NRG1: variants seen among roughly 807,000 people sequenced by gnomAD.
NRG1 encodes the protein neuregulin 1.
NRG1 carries 18 observed loss-of-function variants against 63.8 expected under a neutral mutation model. The ratio of observed to expected loss-of-function variants is 0.28; its 90% CI spans 0.19 to 0.42. NRG1 has a LOEUF of 0.42. NRG1 is among the 10% of genes least tolerant of loss of function. The pLI is 1.00. For missense variants in NRG1, 762 were observed against 814.7 expected, an observed-to-expected ratio of 0.94 and a Z score of 0.79; for synonymous variants, 302 against 301.3, an observed-to-expected ratio of 1.00 and a Z score of -0.02.
At chr8:32,531,806 G>T (rs1831480561) in intron 1 of NRG1, among the ~76,000 whole-genome samples, 1 of 152,160 alleles carries the variant, frequency 6.6e-6, no homozygotes, top group Non-Finnish European at 1.5e-5. Context: ...AAAGTTAAAT[G>T]ACAGAGGGAT....
chr8:32,730,764 A>G (rs775580391), intron 6 of NRG1, among the ~76,000 whole-genome samples: 16 of 152,190 alleles, frequency 1.1e-4, no homozygotes, highest in Non-Finnish European at 1.9e-4. Context: ...AGAAAATGCC[A>G]GAAGCTGAGA....
chr8:32,193,191 G>C (rs1842655898), intron 1 of NRG1, among the ~76,000 whole-genome samples: 1 of 152,136 alleles, frequency 6.6e-6, no homozygotes. Context: ...GGGCTGGGGA[G>C]GATCCTTTAT....
intron 5 of NRG1, among the ~76,000 whole-genome samples, chr8:32,662,789 G>C (rs1803191583): frequency 1.3e-5 from 2 of 152,168 alleles, no homozygotes; most frequent in African/African-American, 4.8e-5. Flanking sequence ...AAAGGATACG[G>C]TTATCACCAA....
intron 1 of NRG1, among the ~76,000 whole-genome samples, chr8:31,757,277 T>C (rs1182536559): frequency 6.6e-6 from 1 of 152,190 alleles, no homozygotes; most frequent in African/African-American, 2.4e-5. Context: ...TTGCCAGCTC[T>C]GTTTTAAGCC....
chr8:32,385,578 C>G (rs190725502), intron 1 of NRG1, among the ~76,000 whole-genome samples: 1 of 152,054 alleles, frequency 6.6e-6, no homozygotes, highest in Admixed American at 6.6e-5. Context: ...GGAGAAGGCA[C>G]GTCTTACATG....
intron 1 of NRG1, among the ~76,000 whole-genome samples, chr8:31,787,928 T>G (rs982441598): frequency 6.6e-6 from 1 of 152,210 alleles, no homozygotes; most frequent in Non-Finnish European, 1.5e-5. Context: ...GGCATTATTT[T>G]AATCACTTCA....
chr8:32,128,237 GC>G (rs1407484456), intron 1 of NRG1, among the ~76,000 whole-genome samples: 1 of 151,860 alleles, frequency 6.6e-6, no homozygotes, highest in East Asian at 1.9e-4. Flanking sequence ...GTCCCAGCAG[GC>G]CCTCTACTCC....
At chr8:32,682,368 T>C (rs185172575) in intron 5 of NRG1, among the ~76,000 whole-genome samples, 2 of 152,298 alleles carry the variant, frequency 1.3e-5, no homozygotes, top group Admixed American at 6.5e-5. Flanking sequence ...TGTCTTCCCA[T>C]GATCACAATA....
intron 5 of NRG1, among the ~76,000 whole-genome samples, chr8:32,661,592 T>G (rs935892727): frequency 2.4e-4 from 36 of 151,512 alleles, no homozygotes; most frequent in African/African-American, 7.7e-4. Context: ...CACGGGCTGG[T>G]CTAAAAAACA....
intron 1 of NRG1, among the ~76,000 whole-genome samples, chr8:31,966,037 C>T (rs896364462): frequency 1.3e-5 from 2 of 151,856 alleles, no homozygotes; most frequent in Non-Finnish European, 2.9e-5. Context: ...TGAGTGTATA[C>T]GGAGAGCCCA....
chr8:32,039,591 C>T (rs1403816854), intron 1 of NRG1, among the ~76,000 whole-genome samples: 10 of 152,094 alleles, frequency 6.6e-5, no homozygotes, highest in African/African-American at 1.9e-4. Flanking sequence ...TACTGATGAA[C>T]GTTGTCAACA....
intron 1 of NRG1, among the ~76,000 whole-genome samples, chr8:32,549,718 A>G (rs919254031): frequency 6.6e-6 from 1 of 152,208 alleles, no homozygotes; most frequent in African/African-American, 2.4e-5. Context: ...CAAAAGCTTT[A>G]CCTTAGATGT....
intron 1 of NRG1, among the ~76,000 whole-genome samples, chr8:31,684,677 C>T (rs78757619): frequency 7.2e-5 from 11 of 151,972 alleles, no homozygotes; most frequent in African/African-American, 2.4e-4. Context: ...CACTAGATCA[C>T]TTTTTTTCAA....
intron 1 of NRG1, among the ~76,000 whole-genome samples, chr8:32,560,572 T>C (rs1482694595): frequency 6.6e-6 from 1 of 152,212 alleles, no homozygotes; most frequent in East Asian, 1.9e-4. Context: ...ATTATGCTAC[T>C]GTCAGTTAAT....
intron 1 of NRG1, among the ~76,000 whole-genome samples, chr8:31,694,557 A>T (rs774635626): frequency 6.6e-6 from 1 of 152,162 alleles, no homozygotes; most frequent in African/African-American, 2.4e-5. Context: ...AGGAAGGCCA[A>T]TGAGGAGGCA....
chr8:32,493,757 C>T (rs1042516188), intron 1 of NRG1, among the ~76,000 whole-genome samples: 17 of 151,952 alleles, frequency 1.1e-4, no homozygotes, highest in African/African-American at 3.4e-4. Flanking sequence ...CTTAATGTTG[C>T]CTGAAGTTGA....
chr8:32,035,836 A>G (rs891571310), intron 1 of NRG1, among the ~76,000 whole-genome samples: 41 of 152,254 alleles, frequency 2.7e-4, no homozygotes, highest in African/African-American at 9.4e-4. Flanking sequence ...GCAGCTTTAC[A>G]TGTGAGATGG....
At chr8:31,642,216 A>G (rs1368808470) in intron 1 of NRG1, among the ~76,000 whole-genome samples, 1 of 152,216 alleles carries the variant, frequency 6.6e-6, no homozygotes, top group Non-Finnish European at 1.5e-5. Context: ...GTACTGCAGC[A>G]TATGTTACTC....
chr8:31,642,913 A>C (rs1027494493), intron 1 of NRG1, among the ~76,000 whole-genome samples: 1 of 152,326 alleles, frequency 6.6e-6, no homozygotes, highest in East Asian at 1.9e-4. Flanking sequence ...GGATAAAAGC[A>C]AATAATATCA....
Sources: gnomAD v4.1 joint callset for allele counts (sites outside exome capture counted in the v4.1 genomes callset) on GRCh38, gnomAD v4.1.1 for gene constraint, MANE v1.5 for transcripts, NCBI Gene and HGNC (gene_info 2026-07-23, HGNC 2026-07-21) for gene names.